The following HMCN1 variants were observed in gnomAD, a reference collection of about 807,000 sequenced individuals.
HMCN1 encodes hemicentin 1, also known as hemicentin-1.
In HMCN1, 321 loss-of-function variants were observed where a neutral mutation model predicts 625.9. That is an observed-to-expected ratio of 0.51 (90% confidence interval 0.47 to 0.56). The LOEUF (loss-of-function observed/expected upper bound fraction) is 0.56, where lower values mean the gene tolerates loss of function less well. HMCN1 is among the 20% of genes least tolerant of loss of function. The probability of loss-of-function intolerance (pLI) is 0.00; values close to 1 mark genes in which losing one functional copy is unlikely to be tolerated. For synonymous variants in HMCN1, 2,425 were observed against 2,417.6 expected (o/e 1.00, Z -0.09); for missense variants, 6,588 against 6,887.3 (o/e 0.96, Z 1.54).
chr1:185,879,629 GT>G (rs1431463487), intron 4 of HMCN1, among the ~76,000 whole-genome samples: 5 of 152,180 alleles, frequency 3.3e-5, no homozygotes, highest in Admixed American at 3.3e-4. Flanking sequence ...TTGAGCAAAA[GT>G]AGATTAGGGC....
chr1:186,121,882 G>C (rs1216506870), intron 80 of HMCN1, among the ~76,000 whole-genome samples: 1 of 152,158 alleles, frequency 6.6e-6, no homozygotes, highest in Non-Finnish European at 1.5e-5. Flanking sequence ...AATGGAGAGG[G>C]CAGGGATATC....
intron 1 of HMCN1, among the ~76,000 whole-genome samples, chr1:185,793,632 C>A (rs944670026): frequency 6.6e-6 from 1 of 152,154 alleles, no homozygotes; most frequent in African/African-American, 2.4e-5. Context: ...GTGTCTAAAT[C>A]GTTGAATTGT....
chr1:186,131,819 TTTA>T (rs748110209), intron 85 of HMCN1, among the ~76,000 whole-genome samples: 1 of 152,144 alleles, frequency 6.6e-6, no homozygotes, highest in South Asian at 2.1e-4. Context: ...CAATCTGTGA[TTTA>T]TTATTATAAG....
intron 1 of HMCN1, among the ~76,000 whole-genome samples, chr1:185,821,887 T>TAA (rs112180883): frequency 8.7e-5 from 11 of 126,972 alleles, no homozygotes; most frequent in African/African-American, 2.6e-4. Context: ...TGCTTTGCTT[T>TAA]AAAAAAAAAA....
rs372274735 is a variant in HMCN1 at position 186,144,189 on chromosome 1, C to T, written c.13941C>T (p.Ser4647=). Residue 4647 remains serine (S), a synonymous_variant, in exon 90 of 107, where the codon AGC becomes AGT. Transcript: ENST00000271588. ...IRPCPVHGAW[S]AWQPWGTCSE... is the part of the protein sequence containing the mutation. The stretch of plus-strand genomic sequence containing the variant: ...TGTTTGCAGTTCATGGAGCATGGAG[C>T]GCTTGGCAGCCTTGGGGAACATGCA... The T allele has an allele frequency of 5.7e-5, 91 of 1,606,556 alleles. 1 individual carries two copies. In the East Asian group the frequency reaches 1.4e-3, roughly 24 times the overall value.
chr1:185,849,125 T>G (rs1370327218), intron 2 of HMCN1, among the ~76,000 whole-genome samples: 2 of 151,914 alleles, frequency 1.3e-5, no homozygotes, highest in Non-Finnish European at 2.9e-5. Context: ...TACCTTTCAT[T>G]CCCATCTAGT....
At chr1:185,874,745 T>C (rs1461615550) in intron 4 of HMCN1, among the ~76,000 whole-genome samples, 1 of 152,026 alleles carries the variant, frequency 6.6e-6, no homozygotes, top group African/African-American at 2.4e-5. Flanking sequence ...CTAGTCATAA[T>C]TTTAAATAGA....
intron 1 of HMCN1, among the ~76,000 whole-genome samples, chr1:185,828,851 G>T (rs1002014722): frequency 2.0e-5 from 3 of 151,992 alleles, no homozygotes; most frequent in Non-Finnish European, 4.4e-5. Context: ...GAATCTATGG[G>T]ATATAGATAA....
At position 185,897,142 on chromosome 1, in the gene HMCN1, G is replaced by C. The variant is rs552883334; in HGVS notation, c.622-12195G>C. ...GCTACCTAGGGAACACTGAATCTAA[G>C]CTATCTTTGGAATCTATTTTCTCTT... On this transcript the variant is annotated intron_variant, in intron 4 of 106. Coordinates refer to ENST00000271588, the MANE Select transcript of HMCN1 (RefSeq NM_031935.3). 3.9e-5 allele frequency among the ~76,000 whole-genome samples: 6 copies of C among 152,200 alleles called. No homozygotes were observed. The East Asian group carries it at 1.2e-3, about 29-fold the overall frequency.
intron 1 of HMCN1, among the ~76,000 whole-genome samples, chr1:185,766,420 C>A (rs1655876084): frequency 6.6e-6 from 1 of 152,062 alleles, no homozygotes; most frequent in African/African-American, 2.4e-5. Context: ...GACATTCTCC[C>A]TGAATAAAGC....
chr1:185,954,741 G>A (rs1160045312), intron 11 of HMCN1, among the ~76,000 whole-genome samples: 1 of 152,090 alleles, frequency 6.6e-6, no homozygotes. Flanking sequence ...AGGGCACTTA[G>A]GATCTCTTTT....
intron 20 of HMCN1, among the ~76,000 whole-genome samples, chr1:185,988,719 C>T (rs747620811): frequency 6.6e-5 from 10 of 152,190 alleles, no homozygotes; most frequent in Non-Finnish European, 1.3e-4. Context: ...TGCTGGATTT[C>T]AACCCCAGCT....
At chr1:186,155,987 A>G (rs1269047020) in intron 97 of HMCN1, among the ~76,000 whole-genome samples, 1 of 152,178 alleles carries the variant, frequency 6.6e-6, no homozygotes, top group African/African-American at 2.4e-5. Context: ...GGGAGTTTGT[A>G]TTTTTAACAC....
chr1:185,911,431 G>A lies in HMCN1; in HGVS notation c.794-243G>A, dbSNP rs74134388. Among the ~76,000 whole-genome samples the A allele has an allele frequency of 7.6e-3, 1,158 of 152,240 alleles. 13 individuals are homozygous for A. The highest frequency in any genetic ancestry group is 0.025 in the African/African-American group (1,039 of 41,540). ...ATATTTTAGAAATAAATAAAATAAT[G>A]TTTTGAGCTATGGGTATAAGTGTCA... On this transcript the variant is annotated intron_variant, in intron 5 of 106. Coordinates refer to ENST00000271588, the MANE Select transcript of HMCN1 (RefSeq NM_031935.3).
At chr1:186,025,542 C>A (rs1655007518) in intron 36 of HMCN1, among the ~76,000 whole-genome samples, 1 of 152,152 alleles carries the variant, frequency 6.6e-6, no homozygotes, top group African/African-American at 2.4e-5. Context: ...TGAAGACTTG[C>A]CAGTGTAGTC....
chr1:185,779,987 T>C (rs563948686), intron 1 of HMCN1, among the ~76,000 whole-genome samples: 29 of 152,366 alleles, frequency 1.9e-4, no homozygotes, highest in African/African-American at 7.0e-4. Context: ...GAGCATGGAA[T>C]GTTCTTCCAT....
chr1:185,997,728 G>A (rs1250079931), intron 25 of HMCN1, among the ~76,000 whole-genome samples: 2 of 151,128 alleles, frequency 1.3e-5, no homozygotes, highest in African/African-American at 4.9e-5. Context: ...TTCTTTCAAT[G>A]TAAAGACTTT....
At chr1:185,741,012 A>G (rs560016845) in intron 1 of HMCN1, among the ~76,000 whole-genome samples, 12 of 152,232 alleles carry the variant, frequency 7.9e-5, no homozygotes, top group Admixed American at 3.3e-4. Flanking sequence ...AAACGAAAAC[A>G]AAAACAAAAA....
At position 185,922,506 on chromosome 1, in the gene HMCN1, A is replaced by G. The variant is rs1422286994; in HGVS notation, c.1021+7A>G. ...GTCAGCAGACCAGTGCAAGGTTTGT[A>G]TGTGCATATTATTTAAATTGACATA... On this transcript the variant is annotated splice_region_variant and intron_variant, in intron 7 of 106. Transcript: ENST00000271588. The G allele has an allele frequency of 1.2e-6, 2 of 1,604,992 alleles. No individual in the cohort carries two copies. Among genetic ancestry groups the G allele is most frequent in the Admixed American group, 1.7e-5 (1 of 59,058 alleles).
Sources: gnomAD v4.1 joint callset for allele counts (sites outside exome capture counted in the v4.1 genomes callset) on GRCh38, gnomAD v4.1.1 for gene constraint, MANE v1.5 for transcripts, NCBI Gene and HGNC (gene_info 2026-07-23, HGNC 2026-07-21) for gene names.